The following LIMCH1 variants were observed in gnomAD, a reference collection of about 807,000 sequenced individuals.
LIMCH1 encodes the protein LIM and calponin homology domains-containing protein 1.
In LIMCH1, 113 loss-of-function variants were observed where a neutral mutation model predicts 176.5. That is an observed-to-expected ratio of 0.64 (90% CI 0.55 to 0.75). The LOEUF (loss-of-function observed/expected upper bound fraction) is 0.75, where lower values mean the gene tolerates loss of function less well. Among genes scored for constraint, LIMCH1 ranks in the 30% least tolerant of loss-of-function variants. LIMCH1 has a pLI of 0.00. For missense variants in LIMCH1, 1,674 were observed against 1,814.9 expected, an observed-to-expected ratio of 0.92 and a Z score of 1.41; for synonymous variants, 619 against 645.9, an observed-to-expected ratio of 0.96 and a Z score of 0.63.
chr4:41,671,110 C>T (rs1258230818), intron 21 of LIMCH1: 4 of 553,658 alleles, frequency 7.2e-6, no homozygotes, highest in Non-Finnish European at 9.2e-6. Flanking sequence ...TCATAGTTCT[C>T]TTGTTAACTG....
intron 1 of LIMCH1, among the ~76,000 whole-genome samples, chr4:41,591,326 C>G (rs1026023217): frequency 2.0e-5 from 3 of 152,154 alleles, no homozygotes; most frequent in Non-Finnish European, 2.9e-5. Context: ...ACTGCAGCCT[C>G]TACCTCCTGG....
At chr4:41,490,822 T>C (rs183367896) in intron 1 of LIMCH1, among the ~76,000 whole-genome samples, 96 of 152,098 alleles carry the variant, frequency 6.3e-4, no homozygotes, top group African/African-American at 2.1e-3. Context: ...ACTTCCCAGA[T>C]GGGGTGGCCT....
chr4:41,405,267 T>C (rs1158369176), intron 1 of LIMCH1, among the ~76,000 whole-genome samples: 3 of 152,218 alleles, frequency 2.0e-5, no homozygotes, highest in Admixed American at 6.5e-5. Context: ...TTAATCAGCA[T>C]CTTGAAATTT....
In LIMCH1 at chr4:41,401,272, C is replaced by T. The variant is rs188500059; in HGVS notation, c.96+40336C>T. On this transcript the variant is annotated intron_variant, in intron 1 of 26. Transcript: ENST00000313860. ...TATGGCTAGCCTGTTTTCCCAGCACCATTTATTAAATAGGGAATCCTTTCC... is the reference window on the plus strand; with the variant it reads ...TATGGCTAGCCTGTTTTCCCAGCACTATTTATTAAATAGGGAATCCTTTCC... Among the ~76,000 whole-genome samples, 559 of 152,258 alleles carry T rather than the reference C, an allele frequency of 3.7e-3. 8 individuals are homozygous for T. The highest frequency in any genetic ancestry group is 1.3e-3 in the Non-Finnish European group (87 of 68,028).
At chr4:41,450,789 T>A (rs2063782592) in intron 1 of LIMCH1, among the ~76,000 whole-genome samples, 1 of 114,024 alleles carries the variant, frequency 8.8e-6, no homozygotes, top group African/African-American at 4.0e-5. Flanking sequence ...AGCAAGACTC[T>A]CTCTCTCTCA....
chr4:41,510,818 C>A (rs2074813291), intron 2 of LIMCH1, among the ~76,000 whole-genome samples: 1 of 151,960 alleles, frequency 6.6e-6, no homozygotes, highest in South Asian at 2.1e-4. Context: ...CGAACTCCTG[C>A]CCTCAGGTGA....
intron 2 of LIMCH1, among the ~76,000 whole-genome samples, chr4:41,514,096 T>C (rs1334289258): frequency 6.8e-6 from 1 of 146,128 alleles, no homozygotes; most frequent in African/African-American, 2.5e-5. Context: ...CTAAAGTCCG[T>C]GATAGTTCCA....
chr4:41,614,580 G>T (rs2091856477), intron 5 of LIMCH1, among the ~76,000 whole-genome samples: 2 of 152,148 alleles, frequency 1.3e-5, no homozygotes, highest in African/African-American at 4.8e-5. Flanking sequence ...GTAGCTAAAA[G>T]ATCCCTTCCA....
intron 1 of LIMCH1, among the ~76,000 whole-genome samples, chr4:41,546,940 G>A (rs2079517936): frequency 1.3e-5 from 2 of 152,068 alleles, no homozygotes; most frequent in African/African-American, 2.4e-5. Flanking sequence ...TTTACTACTG[G>A]AAGAGTCAAA....
intron 1 of LIMCH1, among the ~76,000 whole-genome samples, chr4:41,580,751 T>C (rs1449453080): frequency 6.6e-6 from 1 of 152,018 alleles, no homozygotes; most frequent in Non-Finnish European, 1.5e-5. Flanking sequence ...ACCAGTAAAA[T>C]ATATAAATCT....
intron 1 of LIMCH1, among the ~76,000 whole-genome samples, chr4:41,470,806 T>A (rs1032155359): frequency 6.6e-6 from 1 of 152,074 alleles, no homozygotes; most frequent in Non-Finnish European, 1.5e-5. Flanking sequence ...ATGCGTGATT[T>A]CATCTAGTGG....
intron 1 of LIMCH1, among the ~76,000 whole-genome samples, chr4:41,589,405 G>A (rs1457137901): frequency 6.6e-6 from 1 of 152,164 alleles, no homozygotes; most frequent in African/African-American, 2.4e-5. Flanking sequence ...CCTTGGAGAT[G>A]TGATCAGAAA....
At chr4:41,411,632 C>T (rs1411638000) in intron 1 of LIMCH1, among the ~76,000 whole-genome samples, 3 of 151,724 alleles carry the variant, frequency 2.0e-5, no homozygotes, top group Non-Finnish European at 4.4e-5. Context: ...CTCTTGTGGT[C>T]CACCATCTGC....
chr4:41,629,782 C>A, intron 9 of LIMCH1, 48 bp downstream of exon 9: 1 of 1,484,878 alleles, frequency 6.7e-7, no homozygotes, highest in Non-Finnish European at 8.9e-7. Flanking sequence ...CATGGTATTT[C>A]ATTTTGAAGG....
chr4:41,572,241 C>G (rs1447801650), intron 1 of LIMCH1, among the ~76,000 whole-genome samples: 1 of 151,976 alleles, frequency 6.6e-6, no homozygotes, highest in Non-Finnish European at 1.5e-5. Flanking sequence ...TGCAAGTGCC[C>G]CACTCAAATT....
chr4:41,432,184 G>A (rs1445535213), intron 1 of LIMCH1, among the ~76,000 whole-genome samples: 2 of 152,186 alleles, frequency 1.3e-5, no homozygotes, highest in Non-Finnish European at 2.9e-5. Flanking sequence ...TTTAAAATAG[G>A]GAGGTTATAT....
Position 41,652,189 on chromosome 4 carries a change from T to TA in LIMCH1, c.3036+1582dup, listed in dbSNP as rs1457887015. Among the ~76,000 whole-genome samples the TA allele has an allele frequency of 1.7e-4, 26 of 152,224 alleles. 1 individual carries two copies. The highest frequency in any genetic ancestry group is 6.3e-4 in the African/African-American group (26 of 41,468). On this transcript the variant is annotated intron_variant, in intron 18 of 31. Coordinates refer to ENST00000503057, the MANE Select transcript of LIMCH1 (RefSeq NM_001330672.2). Reference sequence around the variant, plus strand: ...GTGACCCAGCTAGCTAAAACCCACCTAGAAGGCTGGATATCATTATTTTTT... The same window carrying TA: ...GTGACCCAGCTAGCTAAAACCCACCTAAGAAGGCTGGATATCATTATTTTTT...
chr4:41,481,490 A>G (rs1422036887), intron 1 of LIMCH1, among the ~76,000 whole-genome samples: 1 of 152,314 alleles, frequency 6.6e-6, no homozygotes, highest in South Asian at 2.1e-4. Context: ...GAACTTTAGC[A>G]TAAAGAAAGG....
intron 1 of LIMCH1, among the ~76,000 whole-genome samples, chr4:41,564,971 A>C (rs57706766): frequency 0.071 from 10,788 of 152,208 alleles, 1,216 homozygotes; most frequent in African/African-American, 0.24. Context: ...GCCTCCCCAG[A>C]CAGCCCTACA....
Sources: allele counts gnomAD v4.1 joint callset (sites outside exome capture counted in the v4.1 genomes callset), GRCh38; gene constraint gnomAD v4.1.1; transcripts MANE v1.5; gene names NCBI Gene and HGNC (gene_info 2026-07-23, HGNC 2026-07-21).